ABCA10: variants seen among roughly 807,000 people sequenced by gnomAD.
ABCA10 encodes ATP binding cassette subfamily A member 10.
In ABCA10, 169 loss-of-function variants were observed where a neutral mutation model predicts 187.5. The ratio of observed to expected loss-of-function variants is 0.90; its 90% confidence interval spans 0.80 to 1.02. The LOEUF (loss-of-function observed/expected upper bound fraction) is 1.02, where lower values mean the gene tolerates loss of function less well. ABCA10 is among the 50% of genes least tolerant of loss of function. The pLI, the probability that ABCA10 is intolerant of heterozygous loss-of-function variation, is 0.00. For synonymous variants in ABCA10, 574 were observed against 601.8 expected (o/e 0.95, Z 0.68); for missense variants, 1,727 against 1,812.4 (o/e 0.95, Z 0.86).
At chr17:69,181,031 C>T (rs1444845343) in intron 22 of ABCA10, among the ~76,000 whole-genome samples, 1 of 152,044 alleles carries the variant, frequency 6.6e-6, no homozygotes, top group Non-Finnish European at 1.5e-5. Flanking sequence ...AAAAAAAGCA[C>T]TGCAGAATTT....
At chr17:69,183,044 T>G (rs931920658) in intron 20 of ABCA10, among the ~76,000 whole-genome samples, 5 of 152,214 alleles carry the variant, frequency 3.3e-5, no homozygotes, top group Admixed American at 1.3e-4. Context: ...TATTCATTTA[T>G]CTTATAATTC....
chr17:69,169,421 C>A (rs571644160), intron 25 of ABCA10, among the ~76,000 whole-genome samples: 2 of 152,154 alleles, frequency 1.3e-5, no homozygotes, highest in Non-Finnish European at 2.9e-5. Flanking sequence ...CTGGAAGATT[C>A]ACTATGTAAA....
Position 69,187,951 on chromosome 17 carries a change from A to T in ABCA10, c.2132-72T>A, listed in dbSNP as rs988361622. ...TTTCTCTTTAAAAACTTTGAAAATG[A>T]TGTTAGACTATTTGAAACAGCACTT... is the stretch of plus-strand genomic sequence containing the variant. On this transcript the variant is annotated intron_variant, in intron 18 of 38. Coordinates refer to ENST00000690296, the MANE Select transcript of ABCA10 (RefSeq NM_001377321.1). The T allele has an allele frequency of 3.6e-6, 5 of 1,386,508 alleles. No individual in the cohort carries two copies. The South Asian group carries it at 6.4e-5, about 18-fold the overall frequency. The allele number at this position is 1,386,508 out of a possible 1,614,324, so 85.9% of individuals were successfully genotyped here. A position where few individuals can be genotyped will look rare whatever the true frequency, so the allele number is the denominator to read the frequency against.
At chr17:69,223,597 A>G (rs2074768814) in intron 3 of ABCA10, 2 of 394,094 alleles carry the variant, frequency 5.1e-6, no homozygotes, top group Non-Finnish European at 9.7e-6. Context: ...ATTAAGATGA[A>G]AAAGCTGTTT....
intron 1 of ABCA10, among the ~76,000 whole-genome samples, chr17:69,227,716 T>C (rs535370434): frequency 6.6e-6 from 1 of 152,134 alleles, no homozygotes; most frequent in South Asian, 2.1e-4. Context: ...GACCACAAGC[T>C]GTCTTATTTT....
intron 6 of ABCA10, 149 bp from the exon 7 acceptor site, chr17:69,216,507 G>T: frequency 2.5e-6 from 2 of 813,928 alleles, no homozygotes; most frequent in Non-Finnish European, 3.6e-6. Flanking sequence ...CTATTAGCAA[G>T]TTATTTATCT....
At chr17:69,222,400 A>G (rs779544109) in intron 4 of ABCA10, 133 bp downstream of exon 4, 107 of 765,198 alleles carry the variant, frequency 1.4e-4, no homozygotes, top group Middle Eastern at 4.0e-4. Flanking sequence ...TAAGTTAAAG[A>G]CTGATGATTA....
intron 27 of ABCA10, 102 bp from the exon 28 acceptor site, chr17:69,157,025 CT>C: frequency 1.5e-6 from 1 of 659,628 alleles, no homozygotes; most frequent in Non-Finnish European, 2.3e-6. Context: ...TGATCATTTT[CT>C]TGAAGATTTG....
chr17:69,193,817 T>C lies in ABCA10; in HGVS notation c.1518A>G (p.Gln506=), dbSNP rs751196006. 3.7e-6 allele frequency: 6 copies of C among 1,613,090 alleles called. No homozygotes were observed. Among genetic ancestry groups the C allele is most frequent in the Middle Eastern group, 1.6e-4 (1 of 6,064 alleles). ...CAATCTTAATGTGTTCCTGTACCTC[T>C]TGTTCCACTTCCTTTGGCTGAATCC... ...IKGIQPKEVE[Q]EVKRIIMELD... is the part of the protein sequence containing the mutation. The change falls in exon 13 of 39, where the codon CAA becomes CAG. Residue 506 remains glutamine (Q), a synonymous_variant. Transcript: ENST00000690296.
intron 25 of ABCA10, among the ~76,000 whole-genome samples, chr17:69,169,023 T>A (rs2074275754): frequency 6.6e-6 from 1 of 152,240 alleles, no homozygotes; most frequent in Admixed American, 6.5e-5. Flanking sequence ...GAGTACTTCA[T>A]GAACATTTAC....
In ABCA10 at chr17:69,182,641, A is replaced by C. The variant is rs74660530; in HGVS notation, c.2631+34T>G. ...GACGTGGCAAAAAAAACAAAAAAAA[A>C]CCAAAAAAAAACAGTGCATAGAAGC... is the stretch of plus-strand genomic sequence containing the variant. On this transcript the variant is annotated intron_variant, in intron 21 of 38. Coordinates refer to ENST00000690296, the MANE Select transcript of ABCA10 (RefSeq NM_001377321.1). 1.9e-3 allele frequency: 2,842 copies of C among 1,533,098 alleles called. 31 individuals are homozygous for C. Among genetic ancestry groups the C allele is most frequent in the African/African-American group, 0.017 (1,232 of 71,572 alleles). The allele number at this position is 1,533,098 out of a possible 1,614,324, so 95.0% of individuals were successfully genotyped here.
chr17:69,187,698 C>T lies in ABCA10; in HGVS notation c.2313G>A (p.Arg771=), dbSNP rs1226204084. Residue 771 remains arginine, a synonymous_variant, in exon 19 of 39, where the codon AGG becomes AGA. Coordinates refer to ENST00000690296, the MANE Select transcript of ABCA10 (RefSeq NM_001377321.1). The part of the protein sequence containing the change: ...TLRFLKLRRE[R]RALLCLLLVL... The stretch of plus-strand genomic sequence containing the variant: ...ATACTCACAAACACAAAAGAGCTCT[C>T]CTTTCACGCCTTAACTTTAAGAAGC... 2 of 1,613,592 alleles carry T rather than the reference C, an allele frequency of 1.2e-6. No individual in the cohort carries two copies. The highest frequency in any genetic ancestry group is 1.7e-6 in the Non-Finnish European group (2 of 1,179,670).
At chr17:69,186,911 T>C (rs2074425933) in intron 19 of ABCA10, among the ~76,000 whole-genome samples, 1 of 152,162 alleles carries the variant, frequency 6.6e-6, no homozygotes, top group African/African-American at 2.4e-5. Context: ...TTCACTAATA[T>C]AACCAAAGCT....
intron 27 of ABCA10, among the ~76,000 whole-genome samples, chr17:69,158,704 TC>T (rs949458297): frequency 1.1e-4 from 17 of 152,142 alleles, no homozygotes; most frequent in African/African-American, 3.9e-4. Context: ...CTAATTTTCA[TC>T]AATAAAATTG....
At chr17:69,221,932 A>G (rs775209335) in intron 4 of ABCA10, 37 bp from the exon 5 acceptor site, 107 of 1,457,512 alleles carry the variant, frequency 7.3e-5, no homozygotes, top group Middle Eastern at 3.5e-4. Flanking sequence ...ATAGTTATAT[A>G]ATGGAGTCAA....
At chr17:69,215,741 G>A (rs2144839356) in intron 8 of ABCA10, 74 bp downstream of exon 8, 2 of 1,270,820 alleles carry the variant, frequency 1.6e-6, no homozygotes, top group East Asian at 3.0e-5. Context: ...TAAATTTCAT[G>A]AGGCACCAAA....
At chr17:69,180,440 A>T (rs1440473718) in intron 22 of ABCA10, among the ~76,000 whole-genome samples, 1 of 152,200 alleles carries the variant, frequency 6.6e-6, no homozygotes, top group Non-Finnish European at 1.5e-5. Context: ...ATAAATTAGG[A>T]GGGTCTTTAA....
chr17:69,206,872 T>G (rs2074595935), intron 9 of ABCA10, among the ~76,000 whole-genome samples: 1 of 152,158 alleles, frequency 6.6e-6, no homozygotes, highest in African/African-American at 2.4e-5. Context: ...ATGATTTTTT[T>G]GGATAGGACC....
At position 69,177,973 on chromosome 17, in the gene ABCA10, A is replaced by AATAT. The variant is rs58222975; in HGVS notation, c.2770-2464_2770-2461dup. Among the ~76,000 whole-genome samples the AATAT allele has an allele frequency of 4.6e-3, 230 of 49,970 alleles. 3 individuals carry two copies. The highest frequency in any genetic ancestry group is 0.012 in the African/African-American group (192 of 16,328). The allele number at this position is 49,970 out of a possible 152,430, so 32.8% of individuals were successfully genotyped here. ...TCCATTTCAAAAAAAAAAAAAAAAA[A>AATAT]ATATATATATATATATATGTTATAT... On this transcript the variant is annotated intron_variant, in intron 22 of 38. Transcript: ENST00000690296.
Sources: allele counts gnomAD v4.1 joint callset (sites outside exome capture counted in the v4.1 genomes callset), GRCh38; gene constraint gnomAD v4.1.1; transcripts MANE v1.5; gene names NCBI Gene and HGNC (gene_info 2026-07-23, HGNC 2026-07-21).